The following MYO1H variants were observed in gnomAD, a reference collection of about 807,000 sequenced individuals.
MYO1H encodes unconventional myosin-Ih.
MYO1H carries 118 observed loss-of-function variants against 149.3 expected under a neutral mutation model. That is an observed-to-expected ratio of 0.79 (90% CI 0.68 to 0.92). The LOEUF is 0.92. Ranked by LOEUF, MYO1H falls within the 40% of genes least tolerant of loss-of-function variation. The pLI, the probability that MYO1H is intolerant of heterozygous loss-of-function variation, is 0.00. For synonymous variants in MYO1H, 447 were observed against 465.2 expected, an observed-to-expected ratio of 0.96 and a Z score of 0.50; for missense variants, 1,212 against 1,280.7, an observed-to-expected ratio of 0.95 and a Z score of 0.82.
intron 16 of MYO1H, among the ~76,000 whole-genome samples, chr12:109,424,194 T>G (rs1301778916): frequency 6.7e-6 from 1 of 149,328 alleles, no homozygotes; most frequent in African/African-American, 2.6e-5. Context: ...AGGTTCTCAG[T>G]CTGTCACTCA....
rs546358203 is a variant in MYO1H at position 109,443,228 on chromosome 12, A to G, written c.2689-286A>G. Among the ~76,000 whole-genome samples, 5 of 131,700 alleles carry G rather than the reference A, an allele frequency of 3.8e-5. No homozygotes were observed. In the South Asian group the frequency reaches 1.2e-3, roughly 31 times the overall value. 86.4% of individuals were successfully genotyped at this position (131,700 alleles called of 152,430 possible). A position where few individuals can be genotyped will look rare whatever the true frequency, so the allele number is the denominator to read the frequency against. The stretch of plus-strand genomic sequence containing the variant: ...TATATGTGTACGTATATGTGTGTGT[A>G]TATGTGTACGTATATGTGTGTGTAT... On this transcript the variant is annotated intron_variant, in intron 27 of 31. Coordinates refer to ENST00000310903, the Ensembl canonical transcript of MYO1H.
At chr12:109,396,388 G>C (rs1055574746) in exon 4 of MYO1H, 3 of 1,605,642 alleles carry the variant, frequency 1.9e-6, no homozygotes, top group Non-Finnish European at 2.6e-6. Context: ...CTCCAGCTAC[G>C]CTATAGCCGA....
chr12:109,427,912 ATAT>A (rs1566038984), intron 19 of MYO1H, among the ~76,000 whole-genome samples: 2 of 51,948 alleles, frequency 3.9e-5, no homozygotes, highest in East Asian at 5.7e-4. Context: ...AAAAAAAAAT[ATAT>A]ATATATATAT....
the MYO1H span, among the ~76,000 whole-genome samples, chr12:109,311,135 G>A: frequency 2.4e-4 from 37 of 152,306 alleles, no homozygotes; most frequent in African/African-American, 7.9e-4. Context: ...TCTTCAGAAT[G>A]GTTTGGAAAG....
intron 1 of MYO1H, among the ~76,000 whole-genome samples, chr12:109,383,786 G>A (rs1869250609): frequency 6.6e-6 from 1 of 152,122 alleles, no homozygotes; most frequent in Non-Finnish European, 1.5e-5. Context: ...CCTCTACCAT[G>A]GCATCTCACC....
chr12:109,407,574 G>C (rs1425803005), intron 9 of MYO1H, among the ~76,000 whole-genome samples: 1 of 146,126 alleles, frequency 6.8e-6, no homozygotes, highest in African/African-American at 2.6e-5. Context: ...GACCAGCCTG[G>C]GCAACATGGC....
chr12:109,335,809 G>T, the MYO1H span, among the ~76,000 whole-genome samples: 3 of 152,004 alleles, frequency 2.0e-5, no homozygotes, highest in East Asian at 3.9e-4. Flanking sequence ...TATTTTATTG[G>T]CTATGTAGAT....
intron 1 of MYO1H, among the ~76,000 whole-genome samples, chr12:109,383,721 GC>G (rs760521431): frequency 5.9e-5 from 9 of 152,204 alleles, no homozygotes; most frequent in Non-Finnish European, 1.3e-4. Context: ...CCACCTAACT[GC>G]AAGGGAGTTT....
At chr12:109,392,671 G>A (rs571736893) in intron 2 of MYO1H, among the ~76,000 whole-genome samples, 290 of 151,938 alleles carry the variant, frequency 1.9e-3, no homozygotes, top group African/African-American at 6.8e-3. Flanking sequence ...AGCCGAGATC[G>A]AGCCACTGCA....
At chr12:109,355,000 T>C (rs2136998764) in intron 1 of MYO1H, among the ~76,000 whole-genome samples, 1 of 152,256 alleles carries the variant, frequency 6.6e-6, no homozygotes, top group Admixed American at 6.5e-5. Context: ...TTGCATTTGG[T>C]ATGGAGGAAA....
At chr12:109,418,079 G>C (rs1201944806) in intron 15 of MYO1H, among the ~76,000 whole-genome samples, 1 of 151,902 alleles carries the variant, frequency 6.6e-6, no homozygotes, top group East Asian at 1.9e-4. Flanking sequence ...GCCTCCCAAA[G>C]TTCTGGGATT....
rs2137036020 is a variant in MYO1H, at chr12:109,391,369, A to AG, written c.175-1962_175-1961insG. On this transcript the variant is annotated intron_variant, in intron 2 of 31. Coordinates refer to ENST00000310903, the Ensembl canonical transcript of MYO1H. The stretch of plus-strand genomic sequence containing the variant: ...TTCCTGCATTAGTTTGCTGAGGATA[A>AG]TGGCTTCTAGCTACTTCCATGTCCC... Among the ~76,000 whole-genome samples, 2 of 152,256 alleles carry AG rather than the reference A, an allele frequency of 1.3e-5. 1 individual carries two copies. Among genetic ancestry groups the AG allele is most frequent in the South Asian group, 4.2e-4 (2 of 4,814 alleles).
In MYO1H at chr12:109,404,088, C is replaced by T. The variant is rs756515308; in HGVS notation, c.849+8C>T. 1.2e-6 allele frequency: 2 copies of T among 1,605,674 alleles called. No homozygotes were observed. The highest frequency in any genetic ancestry group is 1.1e-5 in the South Asian group (1 of 90,384). ...ACTGAAGCTGACCTCGAGGTACGTG[C>T]TTTTGCAGCAGAACTGATAGTTCCC... is the stretch of plus-strand genomic sequence containing the variant. On this transcript the variant is annotated splice_region_variant and intron_variant, in intron 7 of 31. Coordinates refer to ENST00000310903, the Ensembl canonical transcript of MYO1H.
At chr12:109,418,118 A>C (rs1592806717) in intron 15 of MYO1H, among the ~76,000 whole-genome samples, 1 of 151,644 alleles carries the variant, frequency 6.6e-6, no homozygotes, top group East Asian at 1.9e-4. Flanking sequence ...GCCCGGCCTA[A>C]GATTGGGTTG....
intron 19 of MYO1H, 143 bp from the exon 20 acceptor site, chr12:109,432,753 GA>G: frequency 1.6e-6 from 1 of 641,920 alleles, no homozygotes; most frequent in Non-Finnish European, 2.8e-6. Flanking sequence ...TTGAATTCGA[GA>G]AAGTTCGTGT....
intron 1 of MYO1H, among the ~76,000 whole-genome samples, chr12:109,377,246 T>C (rs948724436): frequency 6.6e-6 from 1 of 152,166 alleles, no homozygotes; most frequent in Non-Finnish European, 1.5e-5. Flanking sequence ...AAAGGTTTAT[T>C]TGGCTTATAA....
chr12:109,409,259 T>C (rs868584545), intron 10 of MYO1H, among the ~76,000 whole-genome samples: 3,596 of 110,148 alleles, frequency 0.033, 22 homozygotes, highest in Middle Eastern at 0.06. Flanking sequence ...TTTTTTTTTT[T>C]TTTTTTTTTT....
At chr12:109,420,845 T>C (rs1330964311) in intron 15 of MYO1H, 136 bp from the exon 16 acceptor site, 1 of 670,552 alleles carries the variant, frequency 1.5e-6, no homozygotes, top group Admixed American at 2.6e-5. Flanking sequence ...CAAATACCCA[T>C]AGTGCCAAGG....
At chr12:109,387,381 C>G (rs1046249730) in intron 1 of MYO1H, among the ~76,000 whole-genome samples, 1 of 152,170 alleles carries the variant, frequency 6.6e-6, no homozygotes, top group Non-Finnish European at 1.5e-5. Flanking sequence ...CTTTGTTTTT[C>G]TTTTGCAAGG....
Sources: allele counts gnomAD v4.1 joint callset (sites outside exome capture counted in the v4.1 genomes callset), GRCh38; gene constraint gnomAD v4.1.1; transcripts MANE v1.5; gene names NCBI Gene and HGNC (gene_info 2026-07-23, HGNC 2026-07-21).